CT45A1: variants seen among roughly 807,000 people sequenced by gnomAD.
The protein encoded by CT45A1 is cancer/testis antigen 45-1.
upstream of CT45A1, chrX:135,709,991 AGGT>A (rs1287174022): frequency 8.9e-6 from 1 of 112,301 alleles, no homozygotes; most frequent in African/African-American, 3.2e-5. Context: ...TTAGTATTAA[AGGT>A]GAAACCTATT....
upstream of CT45A1, among the ~76,000 whole-genome samples, chrX:135,712,403 T>A (rs1178245230): frequency 1.3e-4 from 14 of 109,622 alleles, no homozygotes; most frequent in Non-Finnish European, 2.1e-4. Context: ...GCTCAAGGAA[T>A]CTACCCACCT....
chrX:135,714,473 G>A (rs1405119827), intron 1 of CT45A1, among the ~76,000 whole-genome samples: 20 of 109,601 alleles, frequency 1.8e-4, no homozygotes, highest in Non-Finnish European at 3.6e-4. Flanking sequence ...TACCCAGGTT[G>A]GGGTGCTTTT....
chrX:135,710,720 T>C (rs1297674211), upstream of CT45A1, among the ~76,000 whole-genome samples: 2 of 112,574 alleles, frequency 1.8e-5, no homozygotes, highest in Non-Finnish European at 3.8e-5. Flanking sequence ...CTAATTAATA[T>C]GTAGATAATA....
intron 1 of CT45A1, among the ~76,000 whole-genome samples, chrX:135,715,632 T>C (rs1488209986): frequency 2.1e-5 from 2 of 95,694 alleles, no homozygotes; most frequent in East Asian, 3.1e-4. Context: ...ATAATACTTA[T>C]ATATATAATA....
chrX:135,718,344 T>G (rs1167397475), intron 1 of CT45A1, among the ~76,000 whole-genome samples: 1 of 111,486 alleles, frequency 9.0e-6, no homozygotes, highest in African/African-American at 3.3e-5. Flanking sequence ...GGGGTGATAT[T>G]GGCTTGTATT....
chrX:135,715,307 C>T (rs868981663), intron 1 of CT45A1, among the ~76,000 whole-genome samples: 95 of 54,035 alleles, frequency 1.8e-3, no homozygotes, highest in Admixed American at 2.7e-3. Flanking sequence ...CTTATATATA[C>T]AATACTTATA....
chrX:135,712,996 C>CCTTCCTTCCTCCCT (rs1156263810), upstream of CT45A1, among the ~76,000 whole-genome samples: 1 of 57,608 alleles, frequency 1.7e-5, no homozygotes, highest in Non-Finnish European at 3.2e-5. Context: ...TTCCTTCCTT[C>CCTTCCTTCCTCCCT]CTCTCTCTCT....
chrX:135,709,452 A>G (rs1229617454), upstream of CT45A1, among the ~76,000 whole-genome samples: 1 of 111,587 alleles, frequency 9.0e-6, no homozygotes, highest in East Asian at 2.8e-4. Context: ...TATTTTTGGT[A>G]GAGATGTGGT....
intron 1 of CT45A1, among the ~76,000 whole-genome samples, chrX:135,715,365 A>ATATATATAATACTTATATATAATACT (rs1475843429): frequency 7.7e-5 from 5 of 64,770 alleles, no homozygotes; most frequent in East Asian, 4.1e-4. Context: ...TATAATACTT[A>ATATATATAATACTTATATATAATACT]TATATATAAT....
chrX:135,715,556 GTATATAATACTTATA>G (rs1435413971), intron 1 of CT45A1, among the ~76,000 whole-genome samples: 4 of 82,213 alleles, frequency 4.9e-5, no homozygotes, highest in East Asian at 7.4e-4. Context: ...ATACTTATAT[GTATATAATACTTATA>G]TATATAATAC....
At chrX:135,709,943 C>G (rs1184712599), upstream of CT45A1, among the ~76,000 whole-genome samples, 2 of 112,417 alleles carry the variant, frequency 1.8e-5, no homozygotes, top group Non-Finnish European at 3.8e-5. Context: ...AAAAGGATTA[C>G]TACACTTTGA....
intron 1 of CT45A1, among the ~76,000 whole-genome samples, chrX:135,716,428 A>G (rs1161341241): frequency 8.9e-6 from 1 of 111,751 alleles, no homozygotes; most frequent in East Asian, 2.8e-4. Context: ...TGAAGTGCAT[A>G]TTCAGCTTTT....
chrX:135,717,565 T>C (rs2087997928), intron 1 of CT45A1, among the ~76,000 whole-genome samples: 1 of 111,458 alleles, frequency 9.0e-6, no homozygotes, highest in African/African-American at 3.3e-5. Flanking sequence ...AAAAATGATG[T>C]CTTCCATTGC....
intron 1 of CT45A1, among the ~76,000 whole-genome samples, chrX:135,714,253 A>T (rs1378881902): frequency 9.3e-6 from 1 of 107,146 alleles, no homozygotes; most frequent in Admixed American, 1.0e-4. Context: ...GATGTCGCTC[A>T]CTCTCAGCTA....
intron 1 of CT45A1, among the ~76,000 whole-genome samples, chrX:135,714,739 T>C (rs782336472): frequency 9.0e-6 from 1 of 110,939 alleles, no homozygotes; most frequent in South Asian, 3.9e-4. Context: ...TTTAAAAAAA[T>C]TGTTTTTATT....
chrX:135,713,310 C>A, upstream of CT45A1: 2 of 140,104 alleles, frequency 1.4e-5, no homozygotes, highest in Non-Finnish European at 2.5e-5. Flanking sequence ...GAAGGTTCTG[C>A]GTTCCTCTGC....
chrX:135,715,502 T>C (rs1416505567), intron 1 of CT45A1, among the ~76,000 whole-genome samples: 8 of 81,965 alleles, frequency 9.8e-5, no homozygotes, highest in Non-Finnish European at 1.5e-4. Flanking sequence ...ATGTATATAA[T>C]ACTTATATAT....
At chrX:135,716,242 T>C (rs1394645577) in intron 1 of CT45A1, among the ~76,000 whole-genome samples, 1 of 111,638 alleles carries the variant, frequency 9.0e-6, no homozygotes, top group Non-Finnish European at 1.9e-5. Flanking sequence ...TCTAGATCCT[T>C]GAGGAATCGC....
At chrX:135,716,810 T>C (rs1477701267) in intron 1 of CT45A1, among the ~76,000 whole-genome samples, 3 of 101,154 alleles carry the variant, frequency 3.0e-5, no homozygotes, top group African/African-American at 1.0e-4. Flanking sequence ...TTTTGTGGAG[T>C]GGGAAGAAGT....
Sources: allele counts gnomAD v4.1 joint callset (sites outside exome capture counted in the v4.1 genomes callset), GRCh38; gene constraint gnomAD v4.1.1; transcripts MANE v1.5; gene names NCBI Gene and HGNC (gene_info 2026-07-23, HGNC 2026-07-21).